Variants in TYW1 observed in about 807,000 individuals in gnomAD.
TYW1 encodes the protein tRNA-yW synthesizing protein 1 homolog.
In TYW1, 46 loss-of-function variants were observed where a neutral mutation model predicts 96.2. The ratio of observed to expected loss-of-function variants is 0.48; its 90% confidence interval spans 0.38 to 0.61. The LOEUF (loss-of-function observed/expected upper bound fraction) is 0.61. Ranked by LOEUF, TYW1 falls within the 20% of genes least tolerant of loss-of-function variation. TYW1 has a pLI of 0.00. For synonymous variants in TYW1, 274 were observed against 323.0 expected, an observed-to-expected ratio of 0.85 and a Z score of 1.63; for missense variants, 684 against 909.6, an observed-to-expected ratio of 0.75 and a Z score of 3.19.
intron 11 of TYW1, chr7:67,089,270 GGC>G (rs1796640720): frequency 7.4e-7 from 1 of 1,358,372 alleles, no homozygotes; most frequent in Non-Finnish European, 1.0e-6. Flanking sequence ...GTGGGGTGGG[GGC>G]AAACCAGGCT....
At chr7:67,100,070 G>A (rs1797040795) in intron 12 of TYW1, among the ~76,000 whole-genome samples, 1 of 152,068 alleles carries the variant, frequency 6.6e-6, no homozygotes, top group Non-Finnish European at 1.5e-5. Flanking sequence ...GGCTTTGAGA[G>A]GCTAGCGGAG....
At chr7:67,029,405 G>GTACATA (rs1277791560) in intron 7 of TYW1, among the ~76,000 whole-genome samples, 3 of 89,154 alleles carry the variant, frequency 3.4e-5, no homozygotes, top group African/African-American at 1.2e-4. Context: ...GTGTGTGTGT[G>GTACATA]TGTGTGTGTG....
intron 7 of TYW1, among the ~76,000 whole-genome samples, chr7:67,027,086 A>C (rs1366564675): frequency 6.6e-6 from 1 of 151,978 alleles, no homozygotes; most frequent in Non-Finnish European, 1.5e-5. Context: ...CGTAGTCACA[A>C]CTGCTTGGGA....
chr7:67,112,100 C>CAAAAAAAAAAAAA (rs538839042), intron 12 of TYW1, among the ~76,000 whole-genome samples: 36 of 94,848 alleles, frequency 3.8e-4, no homozygotes, highest in East Asian at 1.5e-3. Context: ...CTCTGTCTGA[C>CAAAAAAAAAAAAA]AAAAAAAAAA....
chr7:67,117,998 A>T (rs1019487612), intron 13 of TYW1, among the ~76,000 whole-genome samples: 3 of 152,190 alleles, frequency 2.0e-5, no homozygotes, highest in African/African-American at 7.2e-5. Flanking sequence ...CCCCATGGGT[A>T]CCAAAATCCA....
At chr7:67,186,403 C>T (rs2948333) in intron 14 of TYW1, among the ~76,000 whole-genome samples, 2 of 151,462 alleles carry the variant, frequency 1.3e-5, no homozygotes, top group African/African-American at 4.8e-5. Context: ...AAACAGTATA[C>T]TTCTCTGATG....
At chr7:67,006,516 T>C (rs1000580731) in intron 3 of TYW1, among the ~76,000 whole-genome samples, 2 of 141,916 alleles carry the variant, frequency 1.4e-5, no homozygotes, top group Non-Finnish European at 3.0e-5. Flanking sequence ...CTCGGCTCAC[T>C]GCGGCCTCTG....
intron 8 of TYW1, among the ~76,000 whole-genome samples, 161 bp downstream of exon 8, chr7:67,050,227 G>A (rs1012464643): frequency 2.6e-5 from 4 of 152,146 alleles, no homozygotes; most frequent in Non-Finnish European, 4.4e-5. Context: ...TGCTTCTGTT[G>A]GCTGCCTGCA....
In TYW1 at chr7:67,044,729, C is replaced by T. The variant is rs550629651; in HGVS notation, c.985-5220C>T. On this transcript the variant is annotated intron_variant, in intron 7 of 15. Coordinates refer to ENST00000359626, the MANE Select transcript of TYW1 (RefSeq NM_018264.4). ...CTGCCTCCTGGGTTCAAGTGATTCT[C>T]GTGCCTCAGCCTCCCCAGTAGCTGA... Among the ~76,000 whole-genome samples the T allele has an allele frequency of 1.2e-4, 18 of 152,166 alleles. No homozygotes were observed. In the South Asian group the frequency reaches 3.5e-3, roughly 30 times the overall value.
At chr7:67,056,826 G>C (rs1268665964) in intron 9 of TYW1, among the ~76,000 whole-genome samples, 1 of 152,078 alleles carries the variant, frequency 6.6e-6, no homozygotes, top group Non-Finnish European at 1.5e-5. Flanking sequence ...CATAGAGTAG[G>C]TATATATTTA....
intron 5 of TYW1, among the ~76,000 whole-genome samples, chr7:67,015,333 TA>T (rs984478659): frequency 6.6e-4 from 101 of 152,108 alleles, no homozygotes; most frequent in Admixed American, 1.5e-3. Flanking sequence ...GGTGAACTCT[TA>T]AAAAAAATTT....
intron 11 of TYW1, among the ~76,000 whole-genome samples, chr7:67,084,069 TTATAA>T (rs1270401144): frequency 1.3e-5 from 2 of 152,172 alleles, no homozygotes; most frequent in African/African-American, 2.4e-5. Flanking sequence ...GTTTAGCAAC[TTATAA>T]TATGCTGCAT....
intron 6 of TYW1, among the ~76,000 whole-genome samples, chr7:67,021,939 A>G (rs897024448): frequency 2.0e-5 from 3 of 152,206 alleles, no homozygotes; most frequent in Admixed American, 1.3e-4. Flanking sequence ...CTTTTGAGAC[A>G]GGGGCTGGTC....
At chr7:67,099,002 G>A (rs1233236297) in intron 12 of TYW1, among the ~76,000 whole-genome samples, 1 of 151,152 alleles carries the variant, frequency 6.6e-6, no homozygotes, top group Non-Finnish European at 1.5e-5. Flanking sequence ...TACCAGAGAA[G>A]CTGTCATTTA....
intron 9 of TYW1, among the ~76,000 whole-genome samples, chr7:67,057,377 T>G (rs143864904): frequency 0.034 from 5,209 of 151,776 alleles, 264 homozygotes; most frequent in African/African-American, 0.12. Flanking sequence ...TTTTTTTGTT[T>G]TTTTTTTTTC....
intron 11 of TYW1, among the ~76,000 whole-genome samples, chr7:67,086,032 T>TTGACC (rs1415301819): frequency 6.6e-6 from 1 of 152,154 alleles, no homozygotes; most frequent in African/African-American, 2.4e-5. Context: ...CTAGGGAAAG[T>TTGACC]TGACCTGTAC....
chr7:67,076,193 G>A (rs1214475213), intron 10 of TYW1, among the ~76,000 whole-genome samples: 2 of 152,266 alleles, frequency 1.3e-5, no homozygotes, highest in South Asian at 2.1e-4. Context: ...AGAATGTGAG[G>A]TCCCATTCCA....
In TYW1 at chr7:67,195,315, G is replaced by T; in HGVS notation, c.1955G>T (p.Cys652Phe). 1 of 1,613,402 alleles carries T rather than the reference G, an allele frequency of 6.2e-7. No homozygotes were observed. The highest frequency in any genetic ancestry group is 8.5e-7 in the Non-Finnish European group (1 of 1,179,814). The change falls in exon 15 of 16, where the codon TGC becomes TTC. Residue 652 changes from cysteine to phenylalanine, a missense_variant. Physicochemically the swap from Cys to Phe is radical, Grantham distance 205. Transcript: ENST00000359626. ...EIACEHEHSN[C>F]LLIAHRKFKI... ...GCATGTGAACACGAACACTCTAATT[G>T]CCTCCTGATAGCACACAGAAAGGTA...
chr7:67,165,094 C>T (rs1322462493), intron 13 of TYW1, among the ~76,000 whole-genome samples: 5 of 151,684 alleles, frequency 3.3e-5, no homozygotes, highest in East Asian at 1.9e-4. Context: ...ATATGCCTGT[C>T]GTGCTAAACT....
Sources: allele counts gnomAD v4.1 joint callset (sites outside exome capture counted in the v4.1 genomes callset), GRCh38; gene constraint gnomAD v4.1.1; transcripts MANE v1.5; gene names NCBI Gene and HGNC (gene_info 2026-07-23, HGNC 2026-07-21).